The following ANKRD9 variants were observed in gnomAD, a reference collection of about 807,000 sequenced individuals.
ANKRD9 encodes ankyrin repeat domain 9, also known as ankyrin repeat domain-containing protein 9.
Under a neutral mutation model 19.2 loss-of-function variants are expected in ANKRD9, and 13 were observed. The ratio of observed to expected loss-of-function variants is 0.68; its 90% CI spans 0.44 to 1.08. The LOEUF (loss-of-function observed/expected upper bound fraction) is 1.08. Among genes scored for constraint, ANKRD9 ranks in the 50% least tolerant of loss-of-function variants. The pLI is 0.00. For missense variants in ANKRD9, 518 were observed against 499.9 expected, an observed-to-expected ratio of 1.04 and a Z score of -0.34; for synonymous variants, 278 against 256.8, an observed-to-expected ratio of 1.08 and a Z score of -0.79.
In ANKRD9 at chr14:102,507,627, G is replaced by C; in HGVS notation, c.263C>G (p.Ala88Gly). The C allele has an allele frequency of 1.3e-6, 2 of 1,529,306 alleles. No homozygotes were observed. The allele number at this position is 1,529,306 out of a possible 1,614,324, so 94.7% of individuals were successfully genotyped here. ...CGGGAACGTGGCCAGCAGGTAATGC[G>C]CGTACGCTTGGTGGTCGTGCACGAG... ...YALVHDHQAY[A>G]HYLLATFPRR... The change falls in exon 4 of 4, where the codon GCG becomes GGG. Residue 88 changes from alanine to glycine, a missense_variant. Coordinates refer to ENST00000286918, the MANE Select transcript of ANKRD9 (RefSeq NM_152326.4). The surrounding 1 kb of genome is among the most constrained non-coding windows in gnomAD (Gnocchi z 9.2).
rs1891519932 is a variant in ANKRD9 at position 102,504,130 on chromosome 14, C to A, written c.*2806G>T. 6.6e-6 allele frequency: 1 copy of A among 152,238 alleles called. No homozygotes were observed. Among genetic ancestry groups the A allele is most frequent in the East Asian group, 1.9e-4 (1 of 5,190 alleles). The allele number at this position is 152,238 out of a possible 1,614,324, so 9.4% of individuals were successfully genotyped here. ...GATGAGCCCAGGAGGGCTCAGCCTTCACTATCCTCCCTAACAGGCATTTGG... is the reference window on the plus strand; with the variant it reads ...GATGAGCCCAGGAGGGCTCAGCCTTAACTATCCTCCCTAACAGGCATTTGG... On this transcript the variant is annotated 3_prime_UTR_variant, in exon 4 of 4. Coordinates refer to ENST00000286918, the MANE Select transcript of ANKRD9 (RefSeq NM_152326.4).
chr14:102,502,826 G>A lies in ANKRD9; in HGVS notation c.*4110C>T, dbSNP rs1031051832. The A allele has an allele frequency of 1.3e-5, 2 of 152,184 alleles. No individual in the cohort carries two copies. Among genetic ancestry groups the A allele is most frequent in the Non-Finnish European group, 2.9e-5 (2 of 68,038 alleles). The allele number at this position is 152,184 out of a possible 1,614,324, so 9.4% of individuals were successfully genotyped here. A position where few individuals can be genotyped will look rare whatever the true frequency, so the allele number is the denominator to read the frequency against. On this transcript the variant is annotated 3_prime_UTR_variant, in exon 4 of 4. Transcript: ENST00000286918. The stretch of plus-strand genomic sequence containing the variant: ...CTCTGGGGACCATGTGGGGCGGTGG[G>A]GCGCTTGAGACAGTGTTTCCCTGCA...
Position 102,504,825 on chromosome 14 carries a change from C to T in ANKRD9, c.*2111G>A, listed in dbSNP as rs1891539888. 1 of 152,408 alleles carries T rather than the reference C, an allele frequency of 6.6e-6. No homozygotes were observed. The highest frequency in any genetic ancestry group is 6.5e-5 in the Admixed American group (1 of 15,290). 9.4% of individuals were successfully genotyped at this position (152,408 alleles called of 1,614,324 possible). ...TCCTGCTGCAGTGCCCATAATTCTT[C>T]CGGCAGGCCCCGCCCTGCACTCCAC... On this transcript the variant is annotated 3_prime_UTR_variant, in exon 4 of 4. Coordinates refer to ENST00000286918, the MANE Select transcript of ANKRD9 (RefSeq NM_152326.4).
Position 102,507,885 on chromosome 14 carries a change from G to T in ANKRD9, c.5C>A (p.Pro2Gln). 8.9e-7 allele frequency: 1 copy of T among 1,121,780 alleles called. No homozygotes were observed. The allele number at this position is 1,121,780 out of a possible 1,614,324, so 69.5% of individuals were successfully genotyped here. The change falls in exon 4 of 4, where the codon CCG becomes CAG. Residue 2 changes from proline to glutamine, a missense_variant. Transcript: ENST00000286918. The surrounding 1 kb of genome is among the most constrained non-coding windows in gnomAD (Gnocchi z 9.2). ...ACCCCCAGGCCGCCGCGCGTCCCAC[G>T]GCATGCTGGCGGCGGGGCGTTCCTG... is the stretch of plus-strand genomic sequence containing the variant. M[P>Q]WDARRPGGGA...
In ANKRD9 at chr14:102,507,837, G is replaced by A; in HGVS notation, c.53C>T (p.Ala18Val). The A allele has an allele frequency of 6.1e-6, 8 of 1,316,188 alleles. No homozygotes were observed. Among genetic ancestry groups the A allele is most frequent in the Non-Finnish European group, 7.9e-6 (8 of 1,017,394 alleles). 81.5% of individuals were successfully genotyped at this position (1,316,188 alleles called of 1,614,324 possible). Reference protein sequence around the residue: ...PGGGADGGPEASGAARSRAQK... With the variant: ...PGGGADGGPEVSGAARSRAQK... The stretch of plus-strand genomic sequence containing the variant: ...CGCTCGCGAGCGCGCCGCGCCCGAG[G>A]CCTCGGGCCCGCCGTCCGCGCCACC... The change falls in exon 4 of 4, where the codon GCC becomes GTC. Residue 18 changes from alanine to valine, a missense_variant. Transcript: ENST00000286918. This position sits in a 1 kb window ranked among gnomAD's most constrained non-coding sequence, Gnocchi z 9.2.
Position 102,507,161 on chromosome 14 carries a change from G to A in ANKRD9, c.729C>T (p.Ala243=), listed in dbSNP as rs754176366. The A allele has an allele frequency of 3.5e-6, 5 of 1,417,346 alleles. No individual in the cohort carries two copies. Among genetic ancestry groups the A allele is most frequent in the South Asian group, 1.5e-5 (1 of 66,778 alleles). 87.8% of individuals were successfully genotyped at this position (1,417,346 alleles called of 1,614,324 possible). The change falls in exon 4 of 4, where the codon GCC becomes GCT. Residue 243 remains alanine, a synonymous_variant. Coordinates refer to ENST00000286918, the MANE Select transcript of ANKRD9 (RefSeq NM_152326.4). This position sits in a 1 kb window ranked among gnomAD's most constrained non-coding sequence, Gnocchi z 9.2. The part of the protein sequence containing the change: ...DLLALYTPVG[A]AGSARQELLG... ...GCAGCTCCTGGCGGGCCGAGCCGGC[G>A]GCACCCACGGGGGTGTACAGCGCCA...
rs1891445923 is a variant in ANKRD9 at position 102,501,928 on chromosome 14, C to T, written c.*5008G>A. On this transcript the variant is annotated 3_prime_UTR_variant, in exon 4 of 4. Transcript: ENST00000286918. ...GGAGCCCCCCATTGGCGCCGCCCTACTGGGGAAGCCGGTCCGTACGTAGGC... is the reference window on the plus strand; with the variant it reads ...GGAGCCCCCCATTGGCGCCGCCCTATTGGGGAAGCCGGTCCGTACGTAGGC... The T allele has an allele frequency of 6.6e-6, 1 of 152,242 alleles. No homozygotes were observed. The highest frequency in any genetic ancestry group is 2.4e-5 in the African/African-American group (1 of 41,468). 9.4% of individuals were successfully genotyped at this position (152,242 alleles called of 1,614,324 possible).
Position 102,507,349 on chromosome 14 carries a change from G to A in ANKRD9, c.541C>T (p.His181Tyr). 1 of 1,326,522 alleles carries A rather than the reference G, an allele frequency of 7.5e-7. No homozygotes were observed. The highest frequency in any genetic ancestry group is 9.7e-7 in the Non-Finnish European group (1 of 1,035,320). The allele number at this position is 1,326,522 out of a possible 1,614,324, so 82.2% of individuals were successfully genotyped here. The stretch of plus-strand genomic sequence containing the variant: ...TCCCGCAGACCGGGCGAGGCGCCGT[G>A]GCCCAGCAGCAGGAAGAGGCACTCG... Reference protein sequence around the residue: ...RPECLFLLLGHGASPGLRDGG... With the variant: ...RPECLFLLLGYGASPGLRDGG... Residue 181 changes from histidine (H) to tyrosine (Y), a missense_variant, in exon 4 of 4, where the codon CAC (histidine) becomes TAC (tyrosine). By Grantham distance (83) the His-to-Tyr change is moderately conservative. Coordinates refer to ENST00000286918, the MANE Select transcript of ANKRD9 (RefSeq NM_152326.4). The surrounding 1 kb of genome is among the most constrained non-coding windows in gnomAD (Gnocchi z 9.2).
Position 102,509,660 on chromosome 14 carries a change from C to CCCGCCGCAGCCGCGCTCTGAG in ANKRD9, c.-487_-467dup, listed in dbSNP as rs1454549590. On this transcript the variant is annotated 5_prime_UTR_variant, in exon 1 of 4. Transcript: ENST00000286918. ...CGGGAGGGAGCCACCGCCGCCCGCGCCCGCCGCAGCCGCGCTCTGAGCCGC... is the reference window on the plus strand; with the variant it reads ...CGGGAGGGAGCCACCGCCGCCCGCGCCCGCCGCAGCCGCGCTCTGAGCCGCCGCAGCCGCGCTCTGAGCCGC... The CCCGCCGCAGCCGCGCTCTGAG allele has an allele frequency of 1.4e-5, 2 of 145,618 alleles. No homozygotes were observed. The highest frequency in any genetic ancestry group is 4.9e-5 in the African/African-American group (2 of 40,642). The allele number at this position is 145,618 out of a possible 1,614,324, so 9.0% of individuals were successfully genotyped here.
Position 102,507,308 on chromosome 14 carries a change from C to A in ANKRD9, c.582G>T (p.Thr194=). 1 of 1,263,110 alleles carries A rather than the reference C, an allele frequency of 7.9e-7. No homozygotes were observed. Among genetic ancestry groups the A allele is most frequent in the Non-Finnish European group, 1.0e-6 (1 of 1,000,186 alleles). 78.2% of individuals were successfully genotyped at this position (1,263,110 alleles called of 1,614,324 possible). A position where few individuals can be genotyped will look rare whatever the true frequency, so the allele number is the denominator to read the frequency against. The stretch of plus-strand genomic sequence containing the variant: ...GCTGGCGCAGCAGCAGCTCGAGAGG[C>A]GTGAGGCCGCCGCCGTCCCGCAGAC... ...SPGLRDGGGL[T]PLELLLRQLG... is the part of the protein sequence containing the mutation. The change falls in exon 4 of 4, where the codon ACG becomes ACT. Residue 194 remains threonine, a synonymous_variant. Transcript: ENST00000286918. The surrounding 1 kb of genome is among the most constrained non-coding windows in gnomAD (Gnocchi z 9.2).
rs1891512007 is a variant in ANKRD9, at chr14:102,503,883, C to G, written c.*3053G>C. On this transcript the variant is annotated 3_prime_UTR_variant, in exon 4 of 4. Coordinates refer to ENST00000286918, the MANE Select transcript of ANKRD9 (RefSeq NM_152326.4). ...TTGAGGTAACTTAGGAAACTGCTCT[C>G]AATACGGAATTTTAAAGTTGGTGAG... is the stretch of plus-strand genomic sequence containing the variant. The G allele has an allele frequency of 2.0e-5, 3 of 152,228 alleles. No homozygotes were observed. The highest frequency in any genetic ancestry group is 7.2e-5 in the African/African-American group (3 of 41,450). 9.4% of individuals were successfully genotyped at this position (152,228 alleles called of 1,614,324 possible). A position where few individuals can be genotyped will look rare whatever the true frequency, so the allele number is the denominator to read the frequency against.
rs1402819884 is a variant in ANKRD9 at position 102,507,895 on chromosome 14, CG to C, written c.-7del. On this transcript the variant is annotated 5_prime_UTR_variant, in exon 4 of 4. Transcript: ENST00000286918. This position sits in a 1 kb window ranked among gnomAD's most constrained non-coding sequence, Gnocchi z 9.2. ...CGCCGCGCGTCCCACGGCATGCTGG[CG>C]GCGGGGCGTTCCTGGGCCTCAAGGC... 2 of 1,111,740 alleles carry C rather than the reference CG, an allele frequency of 1.8e-6. No individual in the cohort carries two copies. Among genetic ancestry groups the C allele is most frequent in the Non-Finnish European group, 2.2e-6 (2 of 901,872 alleles). 68.9% of individuals were successfully genotyped at this position (1,111,740 alleles called of 1,614,324 possible).
Position 102,507,946 on chromosome 14 carries a change from CG to C in ANKRD9, c.-53-5del. On this transcript the variant is annotated splice_polypyrimidine_tract_variant and splice_region_variant and intron_variant, in intron 3 of 3. Coordinates refer to ENST00000286918, the MANE Select transcript of ANKRD9 (RefSeq NM_152326.4). This position sits in a 1 kb window ranked among gnomAD's most constrained non-coding sequence, Gnocchi z 9.2. ...CATGGATCCCGCGAAGGCACACCTG[CG>C]GGGAAAGGAAGAGGCCACGGTGAGG... 9.1e-7 allele frequency: 1 copy of C among 1,093,888 alleles called. No individual in the cohort carries two copies. Among genetic ancestry groups the C allele is most frequent in the Non-Finnish European group, 1.1e-6 (1 of 890,024 alleles). 67.8% of individuals were successfully genotyped at this position (1,093,888 alleles called of 1,614,324 possible).
chr14:102,509,419 G>C (rs962443235), intron 1 of ANKRD9, 110 bp downstream of exon 1: 1 of 151,176 alleles, frequency 6.6e-6, no homozygotes, highest in Non-Finnish European at 1.5e-5. Flanking sequence ...GGGCCGAGCG[G>C]GGCGTCCGCG....
In ANKRD9 at chr14:102,507,514, C is replaced by G. The variant is rs1464692707; in HGVS notation, c.376G>C (p.Val126Leu). The G allele has an allele frequency of 7.3e-7, 1 of 1,364,510 alleles. No individual in the cohort carries two copies. The highest frequency in any genetic ancestry group is 3.4e-5 in the Admixed American group (1 of 29,074). The allele number at this position is 1,364,510 out of a possible 1,614,324, so 84.5% of individuals were successfully genotyped here. A position where few individuals can be genotyped will look rare whatever the true frequency, so the allele number is the denominator to read the frequency against. Residue 126 changes from valine to leucine, a missense_variant, in exon 4 of 4, where the codon GTG becomes CTG. Transcript: ENST00000286918. This position sits in a 1 kb window ranked among gnomAD's most constrained non-coding sequence, Gnocchi z 9.2. ...HVALAVRYNR[V>L]GILRRILRTL... ...CGCAGGATGCGGCGCAGAATGCCCACGCGGTTGTAGCGCACTGCCAGCGCC... is the reference window on the plus strand; with the variant it reads ...CGCAGGATGCGGCGCAGAATGCCCAGGCGGTTGTAGCGCACTGCCAGCGCC...
At position 102,508,299 on chromosome 14, in the gene ANKRD9, A is replaced by G. The variant is rs967799395; in HGVS notation, c.-54+176T>C. On this transcript the variant is annotated intron_variant, in intron 3 of 3. Transcript: ENST00000286918. The surrounding 1 kb of genome is among the most constrained non-coding windows in gnomAD (Gnocchi z 6.2). Reference sequence around the variant, plus strand: ...CCTAAGCCAGGTTCATACGACCCCAAATAAAGAAAAGGCCAGGGAGGGGAT... The same window carrying G: ...CCTAAGCCAGGTTCATACGACCCCAGATAAAGAAAAGGCCAGGGAGGGGAT... Among the ~76,000 whole-genome samples the G allele has an allele frequency of 2.0e-4, 30 of 152,060 alleles. No individual in the cohort carries two copies. The highest frequency in any genetic ancestry group is 7.2e-4 in the African/African-American group (30 of 41,406).
At position 102,503,349 on chromosome 14, in the gene ANKRD9, T is replaced by A. The variant is rs1459900395; in HGVS notation, c.*3587A>T. 8 of 135,608 alleles carry A rather than the reference T, an allele frequency of 5.9e-5. No homozygotes were observed. The highest frequency in any genetic ancestry group is 1.1e-4 in the Non-Finnish European group (7 of 65,050). 8.4% of individuals were successfully genotyped at this position (135,608 alleles called of 1,614,324 possible). On this transcript the variant is annotated 3_prime_UTR_variant, in exon 4 of 4. Coordinates refer to ENST00000286918, the MANE Select transcript of ANKRD9 (RefSeq NM_152326.4). ...CCCAGGCTGGAGTGCAATGGCGCAATCTTGGCTCACTGCAACCTCCGCCTC... is the reference window on the plus strand; with the variant it reads ...CCCAGGCTGGAGTGCAATGGCGCAAACTTGGCTCACTGCAACCTCCGCCTC...
In ANKRD9 at chr14:102,508,569, T is replaced by G. The variant is rs1326509398; in HGVS notation, c.-128-20A>C. ...CTTTATCTGTAAGAAAGGGGAGGGG[T>G]GGACGACGGCTGTGCGGGCGGGGTG... On this transcript the variant is annotated intron_variant, in intron 2 of 3. Coordinates refer to ENST00000286918, the MANE Select transcript of ANKRD9 (RefSeq NM_152326.4). This position sits in a 1 kb window ranked among gnomAD's most constrained non-coding sequence, Gnocchi z 6.2. 2 of 151,802 alleles carry G rather than the reference T, an allele frequency of 1.3e-5. No homozygotes were observed. Among genetic ancestry groups the G allele is most frequent in the Non-Finnish European group, 2.9e-5 (2 of 67,986 alleles). 9.4% of individuals were successfully genotyped at this position (151,802 alleles called of 1,614,324 possible).
Position 102,507,209 on chromosome 14 carries a change from G to C in ANKRD9, c.681C>G (p.Arg227=), listed in dbSNP as rs1257186605. The C allele has an allele frequency of 1.4e-4, 175 of 1,288,484 alleles. No homozygotes were observed. Among genetic ancestry groups the C allele is most frequent in the Non-Finnish European group, 1.7e-4 (169 of 1,020,278 alleles). 79.8% of individuals were successfully genotyped at this position (1,288,484 alleles called of 1,614,324 possible). A position where few individuals can be genotyped will look rare whatever the true frequency, so the allele number is the denominator to read the frequency against. The part of the protein sequence containing the change: ...PASAPGEPRQ[R]RLLLLDLLAL... ...CCAGGAGGTCCAGCAGCAGCAGGCG[G>C]CGCTGGCGCGGCTCCCCGGGAGCTG... The change falls in exon 4 of 4, where the codon CGC becomes CGG. Residue 227 remains arginine (R), a synonymous_variant. Coordinates refer to ENST00000286918, the MANE Select transcript of ANKRD9 (RefSeq NM_152326.4). This position sits in a 1 kb window ranked among gnomAD's most constrained non-coding sequence, Gnocchi z 9.2.
Sources: gnomAD v4.1 joint callset for allele counts (sites outside exome capture counted in the v4.1 genomes callset) on GRCh38, gnomAD v4.1.1 for gene constraint, Gnocchi (gnomAD v3.1) non-coding constraint, MANE v1.5 for transcripts, NCBI Gene and HGNC (gene_info 2026-07-23, HGNC 2026-07-21) for gene names.